OSBP2: variants seen among roughly 807,000 people sequenced by gnomAD.
The protein encoded by OSBP2 is oxysterol-binding protein 2.
Under a neutral mutation model 96.0 loss-of-function variants are expected in OSBP2, and 66 were observed. That is an observed-to-expected ratio of 0.69 (90% CI 0.56 to 0.84). The LOEUF (loss-of-function observed/expected upper bound fraction) is 0.84. OSBP2 is among the 40% of genes least tolerant of loss of function. The probability of loss-of-function intolerance (pLI) is 0.00; values close to 1 mark genes in which losing one functional copy is unlikely to be tolerated. For synonymous variants in OSBP2, 525 were observed against 520.9 expected, an observed-to-expected ratio of 1.01 and a Z score of -0.11; for missense variants, 1,038 against 1,222.7, an observed-to-expected ratio of 0.85 and a Z score of 2.25.
At chr22:30,790,303 A>G (rs1224994876) in intron 2 of OSBP2, among the ~76,000 whole-genome samples, 1 of 150,518 alleles carries the variant, frequency 6.6e-6, no homozygotes. Context: ...CTTTTTAAGG[A>G]GGGGGGGGCG....
intron 3 of OSBP2, among the ~76,000 whole-genome samples, chr22:30,884,537 C>T (rs2039769344): frequency 6.6e-6 from 1 of 152,232 alleles, no homozygotes; most frequent in Non-Finnish European, 1.5e-5. Flanking sequence ...TGAGGAGGCA[C>T]ACCTTGCCCT....
chr22:30,893,455 G>A lies in OSBP2; in HGVS notation c.1991-8G>A. The A allele has an allele frequency of 6.2e-7, 1 of 1,611,540 alleles. No individual in the cohort carries two copies. Among genetic ancestry groups the A allele is most frequent in the Non-Finnish European group, 8.5e-7 (1 of 1,177,604 alleles). The stretch of plus-strand genomic sequence containing the variant: ...GGGCATGACCTCTGACCTGTCCCCT[G>A]CCTCCAGGTGCCATCCACTTAGAAT... On this transcript the variant is annotated splice_region_variant and splice_polypyrimidine_tract_variant and intron_variant, in intron 9 of 13. Coordinates refer to ENST00000332585, the MANE Select transcript of OSBP2 (RefSeq NM_030758.4).
chr22:30,771,040 G>A (rs1195856544), intron 2 of OSBP2, among the ~76,000 whole-genome samples: 1 of 152,238 alleles, frequency 6.6e-6, no homozygotes, highest in African/African-American at 2.4e-5. Flanking sequence ...TCATGCCTGA[G>A]GGGCCACCAA....
chr22:30,700,065 C>T lies in OSBP2; in HGVS notation c.644+4512C>T, dbSNP rs570416153. Among the ~76,000 whole-genome samples, 76 of 151,030 alleles carry T rather than the reference C, an allele frequency of 5.0e-4. No homozygotes were observed. The East Asian group carries it at 0.012, about 24-fold the overall frequency. ...GTGACCTCTGCCTCCCAGTTTCAAA[C>T]AATTTTCCTGCCACAGCCTCCCGAG... On this transcript the variant is annotated intron_variant, in intron 1 of 13. Coordinates refer to ENST00000332585, the MANE Select transcript of OSBP2 (RefSeq NM_030758.4).
intron 2 of OSBP2, among the ~76,000 whole-genome samples, chr22:30,805,279 A>G (rs1325248697): frequency 6.6e-6 from 1 of 152,216 alleles, no homozygotes; most frequent in Non-Finnish European, 1.5e-5. Context: ...CAAGGCAGCA[A>G]ACAAAGATGT....
intron 2 of OSBP2, among the ~76,000 whole-genome samples, chr22:30,813,908 T>C (rs1367300764): frequency 2.0e-5 from 3 of 151,966 alleles, no homozygotes; most frequent in Admixed American, 2.0e-4. Flanking sequence ...GTTCAAGCAA[T>C]TCTCCTGCCT....
intron 2 of OSBP2, among the ~76,000 whole-genome samples, chr22:30,811,176 C>T (rs1023130772): frequency 7.9e-6 from 1 of 127,316 alleles, no homozygotes; most frequent in African/African-American, 2.9e-5. Flanking sequence ...CCCCCCCCCA[C>T]ACATACATAT....
At chr22:30,807,138 C>A (rs2090939475) in intron 2 of OSBP2, among the ~76,000 whole-genome samples, 1 of 152,154 alleles carries the variant, frequency 6.6e-6, no homozygotes, top group South Asian at 2.1e-4. Flanking sequence ...TGATGCTGAA[C>A]CTTGCGCCAT....
intron 2 of OSBP2, among the ~76,000 whole-genome samples, chr22:30,778,213 G>C (rs775208313): frequency 5.2e-5 from 7 of 133,972 alleles, no homozygotes; most frequent in Non-Finnish European, 1.1e-4. Context: ...GTTTCAACAT[G>C]TTGGCCAGGC....
At chr22:30,769,016 G>A (rs1403385411) in intron 2 of OSBP2, among the ~76,000 whole-genome samples, 1 of 152,212 alleles carries the variant, frequency 6.6e-6, no homozygotes, top group African/African-American at 2.4e-5. Flanking sequence ...GTTTCCCTGG[G>A]GTACCCCCTG....
rs114993942 is a variant in OSBP2 at position 30,736,578 on chromosome 22, T to A, written c.645-4583T>A. 4.3e-3 allele frequency among the ~76,000 whole-genome samples: 659 copies of A among 152,290 alleles called. 7 individuals carry two copies. The highest frequency in any genetic ancestry group is 0.015 in the African/African-American group (635 of 41,552). Reference sequence around the variant, plus strand: ...TGATAGCAGCATTAAATTGTTAAAATTTTGAAATAACTTAGATTTACAGAA... The same window carrying A: ...TGATAGCAGCATTAAATTGTTAAAAATTTGAAATAACTTAGATTTACAGAA... On this transcript the variant is annotated intron_variant, in intron 1 of 13. Coordinates refer to ENST00000332585, the MANE Select transcript of OSBP2 (RefSeq NM_030758.4).
In OSBP2 at chr22:30,889,557, A is replaced by G. The variant is rs751302268; in HGVS notation, c.1544A>G (p.Asn515Ser). Residue 515 changes from asparagine (N) to serine (S), a missense_variant, in exon 7 of 14, where the codon AAC (asparagine) becomes AGC (serine). Asn to Ser is a conservative substitution (Grantham distance 46). Around this residue, in one of 3 missense-constraint regions of OSBP2, gnomAD observed 737 missense variants for 913.3 expected, o/e 0.81. Transcript: ENST00000332585. ...SKVKRRVRIPNKPNYSLNLWS... is the reference protein window; with the variant it reads ...SKVKRRVRIPSKPNYSLNLWS... The stretch of plus-strand genomic sequence containing the variant: ...GTCAAGAGGCGAGTCCGCATTCCCA[A>G]CAAGCCCAACTACAGCCTTAACCTC... The G allele has an allele frequency of 2.0e-5, 32 of 1,613,968 alleles. No individual in the cohort carries two copies. Among genetic ancestry groups the G allele is most frequent in the Non-Finnish European group, 2.5e-5 (30 of 1,180,018 alleles).
intron 1 of OSBP2, among the ~76,000 whole-genome samples, chr22:30,722,032 T>C (rs541475061): frequency 1.3e-5 from 2 of 152,190 alleles, no homozygotes; most frequent in Non-Finnish European, 2.9e-5. Context: ...TCAAGTATCC[T>C]GAATTCTGTG....
chr22:30,893,516 A>G lies in OSBP2; in HGVS notation c.2044A>G (p.Ser682Gly), dbSNP rs780791788. 3 of 1,614,196 alleles carry G rather than the reference A, an allele frequency of 1.9e-6. No individual in the cohort carries two copies. The highest frequency in any genetic ancestry group is 2.2e-5 in the South Asian group (2 of 91,086). The change falls in exon 10 of 14, where the codon AGC (serine) becomes GGC (glycine). Residue 682 changes from serine to glycine, a missense_variant. Physicochemically the swap from Ser to Gly is moderately conservative, Grantham distance 56 (BLOSUM62 0). Around this residue, in one of 3 missense-constraint regions of OSBP2, gnomAD observed 737 missense variants for 913.3 expected, o/e 0.81. Transcript: ENST00000332585. ...ASGNHYVWRK[S>G]TSTVHNIIVG... ...TGGGAATCACTACGTGTGGAGGAAGAGCACCTCAACTGTTCACAACATCAT... is the reference window on the plus strand; with the variant it reads ...TGGGAATCACTACGTGTGGAGGAAGGGCACCTCAACTGTTCACAACATCAT...
At chr22:30,900,031 G>A (rs1306454277) in intron 12 of OSBP2, among the ~76,000 whole-genome samples, 2 of 152,174 alleles carry the variant, frequency 1.3e-5, no homozygotes, top group Non-Finnish European at 2.9e-5. Context: ...AGCCAAGGCA[G>A]GCAGATCACC....
chr22:30,789,462 C>T (rs563538068), intron 2 of OSBP2, among the ~76,000 whole-genome samples: 26 of 152,260 alleles, frequency 1.7e-4, no homozygotes, highest in Non-Finnish European at 2.6e-4. Context: ...TCAAATTTTC[C>T]ACCATTTCCA....
At chr22:30,902,703 T>G in intron 12 of OSBP2, 1 of 511,836 alleles carries the variant, frequency 2.0e-6, no homozygotes, top group Admixed American at 2.7e-5. Flanking sequence ...CGCCCCTCAA[T>G]GAAGTAGCCG....
chr22:30,851,953 A>ACATTT lies in OSBP2; in HGVS notation c.854-18475_854-18471dup, dbSNP rs777313543. Among the ~76,000 whole-genome samples the ACATTT allele has an allele frequency of 3.0e-4, 45 of 152,318 alleles. 1 individual carries two copies. In the Middle Eastern group the frequency reaches 0.027, roughly 92 times the overall value. ...AACTTTTTCAGTATTTATTGAATTT[A>ACATTT]CATTTTTCTTGATACCATTAATATG... On this transcript the variant is annotated intron_variant, in intron 2 of 13. Coordinates refer to ENST00000332585, the MANE Select transcript of OSBP2 (RefSeq NM_030758.4).
intron 2 of OSBP2, among the ~76,000 whole-genome samples, chr22:30,815,800 C>T (rs1378603874): frequency 6.6e-6 from 1 of 152,164 alleles, no homozygotes; most frequent in Non-Finnish European, 1.5e-5. Flanking sequence ...ATTTTAATGG[C>T]TGTGTAATAT....
Sources: gnomAD v4.1 joint callset for allele counts (sites outside exome capture counted in the v4.1 genomes callset) on GRCh38, gnomAD v4.1.1 for gene constraint, gnomAD v4.1.1 regional missense constraint, MANE v1.5 for transcripts, NCBI Gene and HGNC (gene_info 2026-07-23, HGNC 2026-07-21) for gene names.